Variants in FAM163B observed in about 807,000 individuals in gnomAD.
FAM163B encodes the protein family with sequence similarity 163 member B, also known as protein FAM163B.
Under a neutral mutation model 7.6 loss-of-function variants are expected in FAM163B, and 4 were observed. The observed-to-expected ratio is 0.52, with a 90% CI of 0.26 to 1.20. The LOEUF (loss-of-function observed/expected upper bound fraction) is 1.20. Among genes scored for constraint, FAM163B ranks in the 50% most tolerant of loss-of-function variants. FAM163B has a pLI of 0.14. For missense variants in FAM163B, 250 were observed against 243.0 expected (o/e 1.03, Z -0.19); for synonymous variants, 120 against 111.6 (o/e 1.07, Z -0.47).
intron 1 of FAM163B, among the ~76,000 whole-genome samples, chr9:133,590,126 C>CCCCTT (rs1564193615): frequency 3.7e-5 from 1 of 27,118 alleles, no homozygotes; most frequent in Admixed American, 3.0e-4. Context: ...CCCTTCCCCT[C>CCCCTT]CCCTTCCCCT....
rs887144336 is a variant in FAM163B at position 133,578,656 on chromosome 9, G to A, written c.*366C>T. ...GAGCAGGTGAGAAGGGTGAGACCCA[G>A]GGAGGGGGTGACACATGGAGACCTC... is the stretch of plus-strand genomic sequence containing the variant. On this transcript the variant is annotated 3_prime_UTR_variant, in exon 3 of 3. Transcript: ENST00000673969. 5 of 245,206 alleles carry A rather than the reference G, an allele frequency of 2.0e-5. No homozygotes were observed. The highest frequency in any genetic ancestry group is 1.1e-4 in the African/African-American group (5 of 44,626). The allele number at this position is 245,206 out of a possible 1,614,324, so 15.2% of individuals were successfully genotyped here. A position where few individuals can be genotyped will look rare whatever the true frequency, so the allele number is the denominator to read the frequency against.
chr9:133,607,721 C>G (rs1401011198), intron 1 of FAM163B, among the ~76,000 whole-genome samples: 1 of 152,228 alleles, frequency 6.6e-6, no homozygotes, highest in African/African-American at 2.4e-5. Flanking sequence ...CCCTGTGGGT[C>G]TTTTCATAGC....
intron 1 of FAM163B, among the ~76,000 whole-genome samples, chr9:133,599,388 C>T (rs547972657): frequency 6.6e-6 from 1 of 152,160 alleles, no homozygotes; most frequent in Non-Finnish European, 1.5e-5. Flanking sequence ...TCCCGGGACC[C>T]CACTGCAAGC....
intron 1 of FAM163B, among the ~76,000 whole-genome samples, chr9:133,599,602 G>A (rs1440130373): frequency 6.6e-6 from 1 of 151,660 alleles, no homozygotes; most frequent in Non-Finnish European, 1.5e-5. Context: ...ATGTGTGAAT[G>A]TGTGTGTGCA....
intron 1 of FAM163B, among the ~76,000 whole-genome samples, chr9:133,604,284 TG>T (rs1484292889): frequency 6.6e-6 from 1 of 152,206 alleles, no homozygotes; most frequent in Non-Finnish European, 1.5e-5. Context: ...TTTACTGATA[TG>T]GGTCCAGGTA....
Position 133,579,199 on chromosome 9 carries a change from C to T in FAM163B, c.324G>A (p.Pro108=), listed in dbSNP as rs577261032. The T allele has an allele frequency of 6.4e-5, 103 of 1,612,168 alleles. No individual in the cohort carries two copies. The African/African-American group carries it at 6.8e-4, about 11-fold the overall frequency. Residue 108 remains proline (P), a synonymous_variant, in exon 3 of 3, where the codon CCG becomes CCA. Coordinates refer to ENST00000673969, the MANE Select transcript of FAM163B (RefSeq NM_001080515.3). ...EPPTFFLQEP[P]EEEEDVLNGG... ...CGTTCAGCACGTCCTCTTCCTCCTCCGGCGGCTCCTGCAGGAAGAAGGTGG... is the reference window on the plus strand; with the variant it reads ...CGTTCAGCACGTCCTCTTCCTCCTCTGGCGGCTCCTGCAGGAAGAAGGTGG...
Position 133,579,413 on chromosome 9 carries a change from T to G in FAM163B, c.110A>C (p.Lys37Thr), listed in dbSNP as rs1588320004. ...CTCCTCGTCCTCCTCCGACTCGTCC[T>G]TCTTGCAGCAGTAGTACTGCGGGCA... ...YCRLQYYCCK[K>T]DESEEDEEEP... is the part of the protein sequence containing the mutation. Residue 37 changes from lysine (K) to threonine (T), a missense_variant, in exon 3 of 3, where the codon AAG becomes ACG. Transcript: ENST00000673969. 1 of 1,604,230 alleles carries G rather than the reference T, an allele frequency of 6.2e-7. No homozygotes were observed. The highest frequency in any genetic ancestry group is 1.1e-5 in the South Asian group (1 of 89,426).
At chr9:133,593,478 C>T (rs1238087532) in intron 1 of FAM163B, among the ~76,000 whole-genome samples, 2 of 152,238 alleles carry the variant, frequency 1.3e-5, no homozygotes, top group South Asian at 2.1e-4. Context: ...ACCTCCATGC[C>T]CCTGCTCCAG....
chr9:133,583,928 G>C (rs1322763643), intron 1 of FAM163B, among the ~76,000 whole-genome samples: 1 of 152,118 alleles, frequency 6.6e-6, no homozygotes, highest in African/African-American at 2.4e-5. Context: ...CTCCACCAGC[G>C]CCCAGCCTGA....
chr9:133,580,066 C>T (rs1179738065), intron 2 of FAM163B, 65 bp downstream of exon 2: 9 of 1,419,636 alleles, frequency 6.3e-6, no homozygotes, highest in African/African-American at 1.4e-5. Flanking sequence ...GCGGGGCTCC[C>T]TCCCGAGGTA....
intron 1 of FAM163B, among the ~76,000 whole-genome samples, chr9:133,582,633 G>C (rs1384566163): frequency 6.6e-6 from 1 of 152,230 alleles, no homozygotes; most frequent in Non-Finnish European, 1.5e-5. Context: ...CCTCTTCTTT[G>C]TGCCCTGAGC....
intron 1 of FAM163B, among the ~76,000 whole-genome samples, chr9:133,584,968 G>GT (rs796144260): frequency 1.4e-4 from 22 of 152,344 alleles, no homozygotes; most frequent in African/African-American, 4.3e-4. Flanking sequence ...ACCATAAATG[G>GT]TTTTAAAGCT....
chr9:133,597,926 C>G (rs1195690046), intron 1 of FAM163B, among the ~76,000 whole-genome samples: 2 of 152,188 alleles, frequency 1.3e-5, no homozygotes, highest in Admixed American at 6.5e-5. Context: ...AGATGAAGAG[C>G]AGCATTTACA....
Position 133,579,239 on chromosome 9 carries a change from G to T in FAM163B, c.284C>A (p.Ser95Tyr). 1.2e-6 allele frequency: 2 copies of T among 1,612,038 alleles called. No individual in the cohort carries two copies. The change falls in exon 3 of 3, where the codon TCC (serine) becomes TAC (tyrosine). Residue 95 changes from serine to tyrosine, a missense_variant. By Grantham distance (144) the Ser-to-Tyr change is moderately radical (BLOSUM62 -2). Transcript: ENST00000673969. Reference sequence around the variant, plus strand: ...GAAGAAGGTGGGGGGCTCGCAGTGGGAGCAGCTGCGGCAGAGGGCGCGGGC... The same window carrying T: ...GAAGAAGGTGGGGGGCTCGCAGTGGTAGCAGCTGCGGCAGAGGGCGCGGGC... Reference protein sequence around the residue: ...PQARALCRSCSHCEPPTFFLQ... With the variant: ...PQARALCRSCYHCEPPTFFLQ...
intron 1 of FAM163B, among the ~76,000 whole-genome samples, chr9:133,581,966 G>A (rs1831363044): frequency 6.6e-6 from 1 of 152,182 alleles, no homozygotes; most frequent in Non-Finnish European, 1.5e-5. Flanking sequence ...CTTTCCAAAT[G>A]TTATCCTTCT....
intron 1 of FAM163B, among the ~76,000 whole-genome samples, chr9:133,599,088 G>A (rs546100474): frequency 3.3e-4 from 50 of 152,248 alleles, no homozygotes; most frequent in African/African-American, 1.1e-3. Flanking sequence ...TGGCCTGAGC[G>A]CCACACTTTC....
Position 133,578,818 on chromosome 9 carries a change from C to A in FAM163B, c.*204G>T, listed in dbSNP as rs961777801. The A allele has an allele frequency of 3.4e-5, 33 of 958,454 alleles. No homozygotes were observed. Among genetic ancestry groups the A allele is most frequent in the Non-Finnish European group, 4.3e-5 (30 of 697,562 alleles). The allele number at this position is 958,454 out of a possible 1,614,324, so 59.4% of individuals were successfully genotyped here. A position where few individuals can be genotyped will look rare whatever the true frequency, so the allele number is the denominator to read the frequency against. On this transcript the variant is annotated 3_prime_UTR_variant, in exon 3 of 3. Coordinates refer to ENST00000673969, the MANE Select transcript of FAM163B (RefSeq NM_001080515.3). ...CTAGCCCCAGGCCCCAGCTGTGCCT[C>A]CCCCCAGGACACATTTGTGTTCAAT...
intron 1 of FAM163B, among the ~76,000 whole-genome samples, chr9:133,587,964 C>A (rs6606358): frequency 0.24 from 32,136 of 132,550 alleles, 4,354 homozygotes; most frequent in East Asian, 0.44. Context: ...AACGGGGGCG[C>A]GAACGGGGGG....
chr9:133,589,093 G>T lies in FAM163B; in HGVS notation c.-23-8847C>A, dbSNP rs544418753. Among the ~76,000 whole-genome samples the T allele has an allele frequency of 2.6e-5, 4 of 152,280 alleles. No individual in the cohort carries two copies. The South Asian group carries it at 8.3e-4, about 32-fold the overall frequency. ...AAGTAGAATGCTCAGCAATACCCCC[G>T]GAAAATACCCCCTGGGAAATCCCGT... On this transcript the variant is annotated intron_variant, in intron 1 of 2. Coordinates refer to ENST00000673969, the MANE Select transcript of FAM163B (RefSeq NM_001080515.3).
Sources: gnomAD v4.1 joint callset for allele counts (sites outside exome capture counted in the v4.1 genomes callset) on GRCh38, gnomAD v4.1.1 for gene constraint, MANE v1.5 for transcripts, NCBI Gene and HGNC (gene_info 2026-07-23, HGNC 2026-07-21) for gene names.